DNMT1: variants seen among roughly 807,000 people sequenced by gnomAD.
The protein encoded by DNMT1 is DNA (cytosine-5)-methyltransferase 1.
Under a neutral mutation model 205.3 loss-of-function variants are expected in DNMT1, and 24 were observed. That is an observed-to-expected ratio of 0.12 (90% CI 0.08 to 0.16). The LOEUF (loss-of-function observed/expected upper bound fraction) is 0.16, where lower values mean the gene tolerates loss of function less well. Ranked by LOEUF, DNMT1 falls within the 10% of genes least tolerant of loss-of-function variation. DNMT1 has a pLI of 1.00. For missense variants in DNMT1, 1,293 were observed against 2,177.7 expected (o/e 0.59, Z 8.09); for synonymous variants, 817 against 839.8 (o/e 0.97, Z 0.47).
chr19:10,166,729 G>GGGGC, intron 10 of DNMT1, 44 bp from the exon 11 acceptor site: 1 of 1,611,148 alleles, frequency 6.2e-7, no homozygotes, highest in East Asian at 2.2e-5. Context: ...CAGCTCGGGG[G>GGGGC]GGGCCCTGCA....
rs1416674099 is a variant in DNMT1, at chr19:10,137,200, G to A, written c.4374C>T (p.Ile1458=). 5.6e-6 allele frequency: 9 copies of A among 1,610,984 alleles called. No individual in the cohort carries two copies. Among genetic ancestry groups the A allele is most frequent in the Non-Finnish European group, 3.4e-6 (4 of 1,179,204 alleles). Residue 1458 remains isoleucine, a synonymous_variant, in exon 37 of 41, where the codon ATC becomes ATT. Coordinates refer to ENST00000359526, the MANE Select transcript of DNMT1 (RefSeq NM_001130823.3). This position sits in a 1 kb window ranked among gnomAD's most constrained non-coding sequence, Gnocchi z 6.4. ...PGSDWRDLPN[I]EVRLSDGTMA... ...TGGTGCCGTCTGAGAGCCGCACCTCGATGTTGGGCAGATCGCGCCAGTCTG... is the reference window on the plus strand; with the variant it reads ...TGGTGCCGTCTGAGAGCCGCACCTCAATGTTGGGCAGATCGCGCCAGTCTG...
intron 14 of DNMT1, 48 bp downstream of exon 14, chr19:10,160,336 T>C: frequency 6.2e-7 from 1 of 1,613,028 alleles, no homozygotes. Context: ...AGAACCATCA[T>C]TTTAACATTA....
Position 10,180,441 on chromosome 19 carries a change from A to G in DNMT1, c.354T>C (p.Arg118=), listed in dbSNP as rs770308829. 22 of 1,613,998 alleles carry G rather than the reference A, an allele frequency of 1.4e-5. No individual in the cohort carries two copies. The highest frequency in any genetic ancestry group is 2.2e-5 in the South Asian group (2 of 91,084). ...TGTTGGCATCTGCCATTCCCACTCT[A>G]CGGGCTTCACTTCTTGCTTGGTTCC... ...ENGNQARSEA[R]RVGMADANSP... Residue 118 remains arginine (R), a synonymous_variant, in exon 4 of 41, where the codon CGT becomes CGC. Transcript: ENST00000359526.
At chr19:10,176,084 C>T (rs28493477) in intron 6 of DNMT1, among the ~76,000 whole-genome samples, 2,352 of 151,896 alleles carry the variant, frequency 0.015, 71 homozygotes, top group African/African-American at 0.054. Context: ...AGGAGAATCG[C>T]TTGAACCTGG....
chr19:10,178,855 G>A (rs895671719), intron 5 of DNMT1, among the ~76,000 whole-genome samples: 8 of 151,862 alleles, frequency 5.3e-5, no homozygotes, highest in African/African-American at 1.9e-4. Context: ...GGCTGGGCGC[G>A]GTGGCTCACG....
chr19:10,134,207 C>G lies in DNMT1; in HGVS notation c.4864+10G>C. On this transcript the variant is annotated intron_variant, in intron 40 of 40. Coordinates refer to ENST00000359526, the MANE Select transcript of DNMT1 (RefSeq NM_001130823.3). ...AGGCCCCAGAGGAAGCCTGGCCCAC[C>G]CCACCATACCTGAGGCACTCTCTCG... 1 of 1,614,194 alleles carries G rather than the reference C, an allele frequency of 6.2e-7. No homozygotes were observed. Among genetic ancestry groups the G allele is most frequent in the Non-Finnish European group, 8.5e-7 (1 of 1,180,030 alleles).
intron 29 of DNMT1, among the ~76,000 whole-genome samples, chr19:10,143,218 T>A (rs1323845462): frequency 6.6e-6 from 1 of 152,172 alleles, no homozygotes; most frequent in African/African-American, 2.4e-5. Flanking sequence ...CCAGGCACTC[T>A]ACCCGTTTTT....
intron 24 of DNMT1, 65 bp from the exon 25 acceptor site, chr19:10,150,033 T>C (rs1038115101): frequency 2.2e-6 from 3 of 1,372,740 alleles, no homozygotes; most frequent in East Asian, 2.3e-5. Context: ...TTGACTTGCA[T>C]GGTCCTCTGT....
chr19:10,147,637 T>G (rs1026417447), intron 27 of DNMT1, among the ~76,000 whole-genome samples: 1 of 150,932 alleles, frequency 6.6e-6, no homozygotes, highest in East Asian at 2.0e-4. Flanking sequence ...AAAATGAAAA[T>G]AGAGATCAAG....
At chr19:10,173,051 A>C (rs764300458) in intron 9 of DNMT1, 39 bp downstream of exon 9, 1 of 1,610,868 alleles carries the variant, frequency 6.2e-7, no homozygotes, top group Non-Finnish European at 8.5e-7. Context: ...ATATAGGATT[A>C]AGGGAGAATT....
intron 9 of DNMT1, among the ~76,000 whole-genome samples, 168 bp from the exon 10 acceptor site, chr19:10,168,532 T>C (rs2038739685): frequency 6.6e-6 from 1 of 152,148 alleles, no homozygotes; most frequent in Admixed American, 6.6e-5. Flanking sequence ...TCTCAGAACT[T>C]TGGAAGGCTG....
In DNMT1 at chr19:10,137,856, G is replaced by A; in HGVS notation, c.4269C>T (p.Pro1423=). The part of the protein sequence containing the change: ...QRQLRGAQYQ[P]ILRDHICKDM... ...CCTTACAGATGTGGTCCCTGAGGAT[G>A]GGCTGGTACTGTGCGCCCCGGAGCT... The change falls in exon 36 of 41, where the codon CCC becomes CCT. Residue 1423 remains proline (P), a synonymous_variant. Coordinates refer to ENST00000359526, the MANE Select transcript of DNMT1 (RefSeq NM_001130823.3). This position sits in a 1 kb window ranked among gnomAD's most constrained non-coding sequence, Gnocchi z 6.4. The A allele has an allele frequency of 6.2e-7, 1 of 1,613,538 alleles. No homozygotes were observed. Among genetic ancestry groups the A allele is most frequent in the Non-Finnish European group, 8.5e-7 (1 of 1,179,942 alleles).
At chr19:10,191,470 C>T (rs2039303959) in intron 1 of DNMT1, among the ~76,000 whole-genome samples, 2 of 151,712 alleles carry the variant, frequency 1.3e-5, no homozygotes, top group African/African-American at 4.8e-5. Context: ...TACAGTGAAG[C>T]AATCTGAGTG....
chr19:10,148,398 A>G (rs959558798), intron 27 of DNMT1, among the ~76,000 whole-genome samples: 2 of 150,490 alleles, frequency 1.3e-5, no homozygotes, highest in African/African-American at 4.9e-5. Context: ...CAGGAGGCTG[A>G]GGCAGGAGAA....
At position 10,137,004 on chromosome 19, in the gene DNMT1, C is replaced by G. The variant is rs1167012327; in HGVS notation, c.4489+81G>C. Reference sequence around the variant, plus strand: ...TGGTGTGTCTGTGCCCTGCCCTGGCCTCCAGGTTCACAGGCCAAAGGCCCA... The same window carrying G: ...TGGTGTGTCTGTGCCCTGCCCTGGCGTCCAGGTTCACAGGCCAAAGGCCCA... On this transcript the variant is annotated intron_variant, in intron 37 of 40. Coordinates refer to ENST00000359526, the MANE Select transcript of DNMT1 (RefSeq NM_001130823.3). The surrounding 1 kb of genome is among the most constrained non-coding windows in gnomAD (Gnocchi z 6.4). 1 of 1,549,748 alleles carries G rather than the reference C, an allele frequency of 6.5e-7. No individual in the cohort carries two copies. Among genetic ancestry groups the G allele is most frequent in the African/African-American group, 1.4e-5 (1 of 73,910 alleles).
chr19:10,178,364 T>C (rs1417549780), intron 5 of DNMT1, among the ~76,000 whole-genome samples: 1 of 143,552 alleles, frequency 7.0e-6, no homozygotes, highest in Admixed American at 6.9e-5. Context: ...CGAGACCACC[T>C]TGGCCAACAT....
chr19:10,168,461 T>C, intron 9 of DNMT1, 97 bp from the exon 10 acceptor site: 4 of 1,259,846 alleles, frequency 3.2e-6, no homozygotes, highest in Middle Eastern at 2.1e-4. Flanking sequence ...GAACTGATTC[T>C]AGAGTCCACT....
intron 7 of DNMT1, 63 bp from the exon 8 acceptor site, chr19:10,173,968 CA>C: frequency 6.7e-7 from 1 of 1,495,418 alleles, no homozygotes; most frequent in South Asian, 1.1e-5. Flanking sequence ...AGGTCAACAC[CA>C]AAAGTGTGAG....
At position 10,136,287 on chromosome 19, in the gene DNMT1, G is replaced by C; in HGVS notation, c.4490C>G (p.Ala1497Gly). The C allele has an allele frequency of 1.9e-6, 3 of 1,613,796 alleles. No homozygotes were observed. Among genetic ancestry groups the C allele is most frequent in the Non-Finnish European group, 2.5e-6 (3 of 1,180,008 alleles). ...GGCTGCGGGGTCGCAGGCTTTGCCG[G>C]CTGGAAGACAGGACAGTGATGAGGC... ...ALRGVCSCVE[A>G]GKACDPAARQ... Residue 1497 changes from alanine (A) to glycine (G), a missense_variant and splice_region_variant, in exon 38 of 41, where the codon GCC becomes GGC. Transcript: ENST00000359526.
Sources: allele counts gnomAD v4.1 joint callset (sites outside exome capture counted in the v4.1 genomes callset), GRCh38; gene constraint gnomAD v4.1.1; non-coding constraint Gnocchi (gnomAD v3.1); transcripts MANE v1.5; gene names NCBI Gene and HGNC (gene_info 2026-07-23, HGNC 2026-07-21).